Variants in SMPD3 observed in about 807,000 individuals in gnomAD.
SMPD3 encodes nSMase-2.
Under a neutral mutation model 55.7 loss-of-function variants are expected in SMPD3, and 21 were observed. The ratio of observed to expected loss-of-function variants is 0.38; its 90% CI spans 0.27 to 0.54. The LOEUF (loss-of-function observed/expected upper bound fraction) is 0.54, where lower values mean the gene tolerates loss of function less well. Among genes scored for constraint, SMPD3 ranks in the 20% least tolerant of loss-of-function variants. The pLI, the probability that SMPD3 is intolerant of heterozygous loss-of-function variation, is 0.80. For synonymous variants in SMPD3, 457 were observed against 404.3 expected, an observed-to-expected ratio of 1.13 and a Z score of -1.56; for missense variants, 842 against 899.6, an observed-to-expected ratio of 0.94 and a Z score of 0.82.
intron 1 of SMPD3, among the ~76,000 whole-genome samples, chr16:68,446,700 G>C (rs1190168515): frequency 6.6e-6 from 1 of 152,130 alleles, no homozygotes; most frequent in East Asian, 1.9e-4. Context: ...ATGGCTGATG[G>C]GGCGTGGGAG....
In SMPD3 at chr16:68,359,982, T is replaced by C. The variant is rs1190669148; in HGVS notation, c.*1224A>G. ...CCTGGGCATGCAGCAACTGTCAGCC[T>C]TGCTGCCCCAGCTTGCGCACTGGTG... On this transcript the variant is annotated 3_prime_UTR_variant, in exon 9 of 9. Transcript: ENST00000219334. 3.9e-5 allele frequency: 6 copies of C among 152,542 alleles called. No individual in the cohort carries two copies. Among genetic ancestry groups the C allele is most frequent in the African/African-American group, 1.4e-4 (6 of 41,462 alleles). 9.4% of individuals were successfully genotyped at this position (152,542 alleles called of 1,614,324 possible).
intron 1 of SMPD3, among the ~76,000 whole-genome samples, chr16:68,438,013 A>G (rs546799832): frequency 2.0e-5 from 3 of 152,268 alleles, no homozygotes; most frequent in East Asian, 3.9e-4. Context: ...CCAAAAAGGG[A>G]TGTGGAATTT....
intron 1 of SMPD3, among the ~76,000 whole-genome samples, chr16:68,425,130 G>T (rs2090425682): frequency 6.6e-6 from 1 of 152,224 alleles, no homozygotes; most frequent in African/African-American, 2.4e-5. Flanking sequence ...TGGTGCCTGT[G>T]GGTTGGTAGT....
intron 2 of SMPD3, among the ~76,000 whole-genome samples, chr16:68,378,170 G>A (rs181225751): frequency 2.0e-3 from 297 of 152,304 alleles, no homozygotes; most frequent in Middle Eastern, 0.014. Context: ...CCTGGTTTCC[G>A]CAGGAAAAGC....
intron 1 of SMPD3, among the ~76,000 whole-genome samples, chr16:68,406,990 T>C (rs2090260043): frequency 6.6e-6 from 1 of 152,178 alleles, no homozygotes; most frequent in African/African-American, 2.4e-5. Context: ...TAAAATCGGA[T>C]GGCTGTTCTG....
At chr16:68,425,505 A>C (rs1042477788) in intron 1 of SMPD3, among the ~76,000 whole-genome samples, 1 of 128,292 alleles carries the variant, frequency 7.8e-6, no homozygotes, top group African/African-American at 2.9e-5. Flanking sequence ...CAGCCACAGG[A>C]GGCAAACTCC....
intron 1 of SMPD3, among the ~76,000 whole-genome samples, chr16:68,420,401 TC>T (rs1317914862): frequency 6.6e-6 from 1 of 152,230 alleles, no homozygotes; most frequent in Non-Finnish European, 1.5e-5. Flanking sequence ...CCAAAGACAC[TC>T]AGCCTGGTAC....
intron 1 of SMPD3, among the ~76,000 whole-genome samples, chr16:68,405,871 T>C (rs1377687170): frequency 1.3e-5 from 2 of 152,192 alleles, no homozygotes; most frequent in Non-Finnish European, 2.9e-5. Flanking sequence ...GCCTGATCCC[T>C]GGAGTGGAAA....
chr16:68,358,947 G>T lies in SMPD3; in HGVS notation c.*2259C>A, dbSNP rs777385839. The T allele has an allele frequency of 1.3e-3, 192 of 152,694 alleles. No homozygotes were observed. The highest frequency in any genetic ancestry group is 1.6e-3 in the Non-Finnish European group (108 of 68,070). The allele number at this position is 152,694 out of a possible 1,614,324, so 9.5% of individuals were successfully genotyped here. A position where few individuals can be genotyped will look rare whatever the true frequency, so the allele number is the denominator to read the frequency against. The stretch of plus-strand genomic sequence containing the variant: ...GGTCTTGGTGCTGAGGGAGGTGTGC[G>T]GGGGCCTGGGGGCCGCACATCCTTA... On this transcript the variant is annotated 3_prime_UTR_variant, in exon 9 of 9. Transcript: ENST00000219334.
At chr16:68,429,596 T>G (rs544739752) in intron 1 of SMPD3, among the ~76,000 whole-genome samples, 1 of 152,310 alleles carries the variant, frequency 6.6e-6, no homozygotes, top group South Asian at 2.1e-4. Context: ...TCCTGCAGGG[T>G]TGCGTGATCA....
chr16:68,398,413 C>T (rs1157568179), intron 1 of SMPD3, among the ~76,000 whole-genome samples: 4 of 152,162 alleles, frequency 2.6e-5, no homozygotes, highest in Non-Finnish European at 5.9e-5. Context: ...GGTGCCGAAT[C>T]CCTCACACTA....
intron 1 of SMPD3, among the ~76,000 whole-genome samples, chr16:68,398,715 T>A (rs1413758791): frequency 6.6e-6 from 1 of 152,204 alleles, no homozygotes; most frequent in East Asian, 1.9e-4. Flanking sequence ...GGACAGTAAT[T>A]CATGCTCTTA....
chr16:68,422,474 G>C (rs965213615), intron 1 of SMPD3, among the ~76,000 whole-genome samples: 2 of 152,308 alleles, frequency 1.3e-5, no homozygotes, highest in Non-Finnish European at 1.5e-5. Flanking sequence ...GCAGGAAACA[G>C]AGTATAGTAA....
chr16:68,361,845 C>T, intron 7 of SMPD3, 86 bp from the exon 8 acceptor site: 2 of 1,471,056 alleles, frequency 1.4e-6, no homozygotes, highest in African/African-American at 1.4e-5. Context: ...ATGGTCTCCT[C>T]CCAGTGTGGG....
chr16:68,436,259 A>G (rs1164877640), intron 1 of SMPD3, among the ~76,000 whole-genome samples: 3 of 152,220 alleles, frequency 2.0e-5, no homozygotes, highest in Non-Finnish European at 2.9e-5. Context: ...AAGTATTCCA[A>G]TACATTGGCT....
chr16:68,419,579 A>G (rs549611394), intron 1 of SMPD3, among the ~76,000 whole-genome samples: 9 of 152,342 alleles, frequency 5.9e-5, no homozygotes, highest in African/African-American at 1.9e-4. Flanking sequence ...ATTTCCTTGC[A>G]TCTCCAGAGT....
Position 68,371,752 on chromosome 16 carries a change from GGTT to G in SMPD3, c.427_429del (p.Asn143del). ...TTGGCCCGCGCTTGGGTGTTAAAAA[GGTT>G]GTTGACCCTGGCGAGTGAGTCGGGC... is the stretch of plus-strand genomic sequence containing the variant. On this transcript the variant is annotated inframe_deletion, in exon 3 of 9. Coordinates refer to ENST00000219334, the MANE Select transcript of SMPD3 (RefSeq NM_018667.4). The G allele has an allele frequency of 6.2e-7, 1 of 1,611,498 alleles. No homozygotes were observed. Among genetic ancestry groups the G allele is most frequent in the Non-Finnish European group, 8.5e-7 (1 of 1,178,806 alleles).
intron 1 of SMPD3, among the ~76,000 whole-genome samples, chr16:68,438,009 AG>A (rs1322478266): frequency 6.6e-6 from 1 of 152,204 alleles, no homozygotes. Context: ...GCAACCAAAA[AG>A]GGATGTGGAA....
chr16:68,439,021 C>A (rs1267299763), intron 1 of SMPD3, among the ~76,000 whole-genome samples: 1 of 152,186 alleles, frequency 6.6e-6, no homozygotes, highest in Non-Finnish European at 1.5e-5. Flanking sequence ...TATTGCTGAG[C>A]ACAATGCCTG....
Sources: gnomAD v4.1 joint callset for allele counts (sites outside exome capture counted in the v4.1 genomes callset) on GRCh38, gnomAD v4.1.1 for gene constraint, MANE v1.5 for transcripts, NCBI Gene and HGNC (gene_info 2026-07-23, HGNC 2026-07-21) for gene names.